The following TEAD3 variants were observed in gnomAD, a reference collection of about 807,000 sequenced individuals.
TEAD3 encodes the protein TEA domain transcription factor 3.
TEAD3 carries 15 observed loss-of-function variants against 55.6 expected under a neutral mutation model. That is an observed-to-expected ratio of 0.27 (90% CI 0.18 to 0.42). TEAD3 has a LOEUF of 0.42. Ranked by LOEUF, TEAD3 falls within the 10% of genes least tolerant of loss-of-function variation. The pLI is 1.00. For missense variants in TEAD3, 407 were observed against 576.8 expected (o/e 0.71, Z 3.01); for synonymous variants, 210 against 232.2 (o/e 0.90, Z 0.87).
At chr6:35,493,459 C>T (rs1047180235) in intron 1 of TEAD3, among the ~76,000 whole-genome samples, 3 of 152,140 alleles carry the variant, frequency 2.0e-5, no homozygotes, top group Non-Finnish European at 4.4e-5. Flanking sequence ...CCACCCACAG[C>T]GCCAGCATCA....
rs1037415157 is a variant in TEAD3, at chr6:35,485,675, G to A, written c.202+786C>T. Reference sequence around the variant, plus strand: ...GGCAGACAGCACCCACCCTGTGGAAGGCACCCTGGACCATCTGCCTGCCCC... The same window carrying A: ...GGCAGACAGCACCCACCCTGTGGAAAGCACCCTGGACCATCTGCCTGCCCC... On this transcript the variant is annotated intron_variant, in intron 2 of 12. Coordinates refer to ENST00000639578, the Ensembl canonical transcript of TEAD3. This position sits in a 1 kb window ranked among gnomAD's most constrained non-coding sequence, Gnocchi z 4.3. Among the ~76,000 whole-genome samples the A allele has an allele frequency of 6.6e-6, 1 of 152,204 alleles. No homozygotes were observed. Among genetic ancestry groups the A allele is most frequent in the Non-Finnish European group, 1.5e-5 (1 of 68,034 alleles).
chr6:35,483,225 G>A lies in TEAD3; in HGVS notation c.267+1335C>T, dbSNP rs900247662. On this transcript the variant is annotated intron_variant, in intron 3 of 12. Transcript: ENST00000639578. This position sits in a 1 kb window ranked among gnomAD's most constrained non-coding sequence, Gnocchi z 4.5. ...TAAATGCTTGAATGAATGAGGGATCGTTGCCACCCCTACACTGGGTAGGGA... is the reference window on the plus strand; with the variant it reads ...TAAATGCTTGAATGAATGAGGGATCATTGCCACCCCTACACTGGGTAGGGA... Among the ~76,000 whole-genome samples, 6 of 152,152 alleles carry A rather than the reference G, an allele frequency of 3.9e-5. No homozygotes were observed. The highest frequency in any genetic ancestry group is 7.3e-5 in the Non-Finnish European group (5 of 68,030).
At chr6:35,478,381 C>G in intron 6 of TEAD3, 53 bp downstream of exon 6, 1 of 1,613,660 alleles carries the variant, frequency 6.2e-7, no homozygotes, top group Non-Finnish European at 8.5e-7. Context: ...CCCACTAAAG[C>G]TCATCCTTTA....
chr6:35,477,470 C>G (rs1768175032), intron 7 of TEAD3, 98 bp from the exon 8 acceptor site: 2 of 1,181,744 alleles, frequency 1.7e-6, no homozygotes, highest in East Asian at 2.6e-5. Flanking sequence ...AGCCACCCAG[C>G]CTTTCTGCTG....
At chr6:35,492,886 T>C (rs1432937615) in intron 1 of TEAD3, among the ~76,000 whole-genome samples, 1 of 152,090 alleles carries the variant, frequency 6.6e-6, no homozygotes, top group African/African-American at 2.4e-5. Context: ...GGGACTGACT[T>C]ATCTCCTCAT....
rs1768426169 is a variant in TEAD3, at chr6:35,488,110, G to T, written c.-49-1399C>A. On this transcript the variant is annotated intron_variant, in intron 1 of 12. Coordinates refer to ENST00000639578, the Ensembl canonical transcript of TEAD3. The surrounding 1 kb of genome is among the most constrained non-coding windows in gnomAD (Gnocchi z 4.2). The stretch of plus-strand genomic sequence containing the variant: ...ACTCTGCCAAGGGGCCTAATGTAGG[G>T]CAGGAACTGCCCCAGGAATTACAAA... 6.6e-6 allele frequency among the ~76,000 whole-genome samples: 1 copy of T among 152,232 alleles called. No homozygotes were observed. The highest frequency in any genetic ancestry group is 1.5e-5 in the Non-Finnish European group (1 of 68,048).
chr6:35,477,808 C>A (rs966225365), intron 7 of TEAD3, among the ~76,000 whole-genome samples: 3 of 151,676 alleles, frequency 2.0e-5, no homozygotes, highest in Non-Finnish European at 4.4e-5. Flanking sequence ...GAACAGCCAG[C>A]GCATCAGCTG....
intron 3 of TEAD3, among the ~76,000 whole-genome samples, chr6:35,482,796 G>C (rs563158182): frequency 1.6e-4 from 24 of 152,242 alleles, no homozygotes; most frequent in Middle Eastern, 3.4e-3. Flanking sequence ...GTGACCTAGT[G>C]ACCCTTGGCC....
intron 5 of TEAD3, 43 bp downstream of exon 5, chr6:35,479,262 G>A: frequency 6.2e-7 from 1 of 1,609,880 alleles, no homozygotes; most frequent in Non-Finnish European, 8.5e-7. Context: ...TAGGTGTTAA[G>A]ACCCTTTCCC....
chr6:35,490,310 C>T (rs886340563), intron 1 of TEAD3, among the ~76,000 whole-genome samples: 39 of 152,142 alleles, frequency 2.6e-4, no homozygotes, highest in African/African-American at 8.7e-4. Context: ...GGGCAGGCGG[C>T]CCCTGGCTGG....
intron 1 of TEAD3, among the ~76,000 whole-genome samples, chr6:35,490,085 C>T (rs1459147813): frequency 2.0e-5 from 3 of 152,062 alleles, no homozygotes; most frequent in Admixed American, 2.0e-4. Context: ...ACCCCTTTCC[C>T]GAGGCCTCCC....
In TEAD3 at chr6:35,483,959, T is replaced by C. The variant is rs1768315300; in HGVS notation, c.267+601A>G. ...AACTTAAAGGAAGCTCTGTATGGGTTTACCATGATTATTAGTTGTATATCC... is the reference window on the plus strand; with the variant it reads ...AACTTAAAGGAAGCTCTGTATGGGTCTACCATGATTATTAGTTGTATATCC... On this transcript the variant is annotated intron_variant, in intron 3 of 12. Transcript: ENST00000639578. The surrounding 1 kb of genome is among the most constrained non-coding windows in gnomAD (Gnocchi z 4.5). Among the ~76,000 whole-genome samples, 1 of 152,184 alleles carries C rather than the reference T, an allele frequency of 6.6e-6. No individual in the cohort carries two copies. The highest frequency in any genetic ancestry group is 1.5e-5 in the Non-Finnish European group (1 of 68,030).
chr6:35,490,298 C>T (rs1193694907), intron 1 of TEAD3, among the ~76,000 whole-genome samples: 2 of 151,774 alleles, frequency 1.3e-5, no homozygotes, highest in South Asian at 2.1e-4. Flanking sequence ...ACTGGGGGGG[C>T]GGGGCAGGCG....
intron 4 of TEAD3, among the ~76,000 whole-genome samples, 168 bp from the exon 5 acceptor site, chr6:35,479,484 C>T (rs1221223509): frequency 6.6e-6 from 1 of 152,220 alleles, no homozygotes; most frequent in East Asian, 1.9e-4. Flanking sequence ...GAGTGCCTGC[C>T]AGCTGGGGCA....
In TEAD3 at chr6:35,478,585, G is replaced by A. The variant is rs1251018204; in HGVS notation, c.343-14C>T. 1 of 1,573,702 alleles carries A rather than the reference G, an allele frequency of 6.4e-7. No individual in the cohort carries two copies. Among genetic ancestry groups the A allele is most frequent in the Non-Finnish European group, 8.6e-7 (1 of 1,159,974 alleles). On this transcript the variant is annotated splice_polypyrimidine_tract_variant and intron_variant, in intron 5 of 12. Coordinates refer to ENST00000639578, the Ensembl canonical transcript of TEAD3. Reference sequence around the variant, plus strand: ...GGAGACCTGGTCCTGGGGAGAGGAGGCTGCATGAAGCCAGGGCCACGCTGG... The same window carrying A: ...GGAGACCTGGTCCTGGGGAGAGGAGACTGCATGAAGCCAGGGCCACGCTGG...
At chr6:35,489,579 G>C (rs1250894841) in intron 1 of TEAD3, among the ~76,000 whole-genome samples, 1 of 152,204 alleles carries the variant, frequency 6.6e-6, no homozygotes, top group Non-Finnish European at 1.5e-5. Flanking sequence ...CCCATGGCCA[G>C]TGGGCGGCCA....
chr6:35,475,219 G>A lies in TEAD3; in HGVS notation c.1195-62C>T. On this transcript the variant is annotated intron_variant, in intron 12 of 12. Transcript: ENST00000639578. The surrounding 1 kb of genome is among the most constrained non-coding windows in gnomAD (Gnocchi z 5.4). ...GGAGAAAAGGGCCACGGGGCAGGGGGCTGAACAGACCATTCTCCTTTCCGG... is the reference window on the plus strand; with the variant it reads ...GGAGAAAAGGGCCACGGGGCAGGGGACTGAACAGACCATTCTCCTTTCCGG... The A allele has an allele frequency of 6.3e-7, 1 of 1,576,196 alleles. No individual in the cohort carries two copies. Among genetic ancestry groups the A allele is most frequent in the Non-Finnish European group, 8.6e-7 (1 of 1,158,954 alleles).
In TEAD3 at chr6:35,496,229, C is replaced by A. The variant is rs977406109; in HGVS notation, c.-50+669G>T. Among the ~76,000 whole-genome samples, 2 of 152,216 alleles carry A rather than the reference C, an allele frequency of 1.3e-5. No individual in the cohort carries two copies. Among genetic ancestry groups the A allele is most frequent in the African/African-American group, 4.8e-5 (2 of 41,454 alleles). ...GAAGAAAAGGCCCCAAATCCAGACC[C>A]CTCCGAGCCAAGCTCACAGCGCTCA... On this transcript the variant is annotated intron_variant, in intron 1 of 12. Coordinates refer to ENST00000639578, the Ensembl canonical transcript of TEAD3. This position sits in a 1 kb window ranked among gnomAD's most constrained non-coding sequence, Gnocchi z 4.8.
chr6:35,491,252 A>ACAGAGC lies in TEAD3; in HGVS notation c.-49-4547_-49-4542dup, dbSNP rs1266627330. Among the ~76,000 whole-genome samples the ACAGAGC allele has an allele frequency of 6.4e-4, 93 of 145,662 alleles. No individual in the cohort carries two copies. The highest frequency in any genetic ancestry group is 2.2e-3 in the African/African-American group (89 of 39,798). On this transcript the variant is annotated intron_variant, in intron 1 of 12. Transcript: ENST00000639578. This position sits in a 1 kb window ranked among gnomAD's most constrained non-coding sequence, Gnocchi z 4.4. ...GACCCTCAGACCCACAGACTGACAGACAGAGCCGGTGGGGGGTGAAGGGAG... is the reference window on the plus strand; with the variant it reads ...GACCCTCAGACCCACAGACTGACAGACAGAGCCAGAGCCGGTGGGGGGTGAAGGGAG...
Sources: gnomAD v4.1 joint callset for allele counts (sites outside exome capture counted in the v4.1 genomes callset) on GRCh38, gnomAD v4.1.1 for gene constraint, Gnocchi (gnomAD v3.1) non-coding constraint, MANE v1.5 for transcripts, NCBI Gene and HGNC (gene_info 2026-07-23, HGNC 2026-07-21) for gene names.